The following INPP5D variants were observed in gnomAD, a reference collection of about 807,000 sequenced individuals.
INPP5D encodes the protein phosphatidylinositol 3,4,5-trisphosphate 5-phosphatase 1.
Under a neutral mutation model 122.9 loss-of-function variants are expected in INPP5D, and 33 were observed. The observed-to-expected ratio is 0.27, with a 90% CI of 0.20 to 0.36. The LOEUF is 0.36. Among genes scored for constraint, INPP5D ranks in the 10% least tolerant of loss-of-function variants. The pLI is 1.00. For missense variants in INPP5D, 1,053 were observed against 1,412.7 expected (o/e 0.75, Z 4.08); for synonymous variants, 584 against 576.2 (o/e 1.01, Z -0.19).
In INPP5D at chr2:233,158,432, A is replaced by G. The variant is rs1462166260; in HGVS notation, c.1137+13A>G. On this transcript the variant is annotated intron_variant, in intron 10 of 26. Coordinates refer to ENST00000445964, the MANE Select transcript of INPP5D (RefSeq NM_001017915.3). ...TGCTGACTCCAAAGTAAGTGACAGC[A>G]AACTTCTAAAATGGGCTGTGAGGTA... 1 of 700,528 alleles carries G rather than the reference A, an allele frequency of 1.4e-6. No individual in the cohort carries two copies. The highest frequency in any genetic ancestry group is 2.7e-5 in the East Asian group (1 of 37,238). 43.4% of individuals were successfully genotyped at this position (700,528 alleles called of 1,614,324 possible).
chr2:233,204,771 A>AGTGTGTAT lies in INPP5D; in HGVS notation c.3567+57_3567+58insTGTATGTG, dbSNP rs1456684351. On this transcript the variant is annotated intron_variant, in intron 26 of 26. Transcript: ENST00000445964. ...GCATTTGTGTGTGTGTGCATGCGTG[A>AGTGTGTAT]GTGCGTATGTGTGTACCTATGCATA... 12 of 1,363,946 alleles carry AGTGTGTAT rather than the reference A, an allele frequency of 8.8e-6. No homozygotes were observed. In the East Asian group the frequency reaches 3.4e-4, roughly 38 times the overall value. 84.5% of individuals were successfully genotyped at this position (1,363,946 alleles called of 1,614,324 possible).
At chr2:233,121,128 T>C (rs1692960506) in intron 2 of INPP5D, among the ~76,000 whole-genome samples, 1 of 140,798 alleles carries the variant, frequency 7.1e-6, no homozygotes, top group East Asian at 1.9e-4. Context: ...TTTCTTTTTT[T>C]TTTTTCTTTT....
intron 2 of INPP5D, among the ~76,000 whole-genome samples, chr2:233,109,958 C>T (rs984924986): frequency 6.6e-6 from 1 of 151,888 alleles, no homozygotes; most frequent in Non-Finnish European, 1.5e-5. Context: ...AATCTTGGTT[C>T]ACTGCAGTCT....
At chr2:233,097,816 A>T (rs562957757) in intron 2 of INPP5D, among the ~76,000 whole-genome samples, 1 of 151,392 alleles carries the variant, frequency 6.6e-6, no homozygotes, top group Non-Finnish European at 1.5e-5. Flanking sequence ...AGTTGTTCTG[A>T]TCTGTTTTGT....
At chr2:233,132,039 A>G (rs748581200) in intron 5 of INPP5D, among the ~76,000 whole-genome samples, 32 of 152,230 alleles carry the variant, frequency 2.1e-4, no homozygotes, top group Admixed American at 3.9e-4. Flanking sequence ...TTGGCTTTCA[A>G]CTAATGCAGC....
At chr2:233,121,509 C>CTTTTATTTTATTATATTTTA (rs1692977960) in intron 2 of INPP5D, among the ~76,000 whole-genome samples, 1 of 147,248 alleles carries the variant, frequency 6.8e-6, no homozygotes, top group Non-Finnish European at 1.5e-5. Flanking sequence ...TATAAAAATA[C>CTTTTATTTTATTATATTTTA]TTTTATTTTA....
intron 3 of INPP5D, among the ~76,000 whole-genome samples, chr2:233,124,838 C>G (rs530905383): frequency 1.3e-5 from 2 of 152,254 alleles, no homozygotes; most frequent in Non-Finnish European, 2.9e-5. Flanking sequence ...GCCCAGTTGT[C>G]GGCTCGAACC....
At chr2:233,073,976 C>T (rs1188870969) in intron 1 of INPP5D, among the ~76,000 whole-genome samples, 1 of 152,182 alleles carries the variant, frequency 6.6e-6, no homozygotes. Flanking sequence ...CCTGAGTTCA[C>T]AAATCAGACT....
intron 1 of INPP5D, among the ~76,000 whole-genome samples, chr2:233,077,254 T>C (rs1028509081): frequency 6.6e-6 from 1 of 152,214 alleles, no homozygotes; most frequent in African/African-American, 2.4e-5. Context: ...CAAACAGGAA[T>C]AGGAAATCTA....
At chr2:233,110,929 A>G (rs1245569158) in intron 2 of INPP5D, among the ~76,000 whole-genome samples, 1 of 134,760 alleles carries the variant, frequency 7.4e-6, no homozygotes, top group Non-Finnish European at 1.5e-5. Flanking sequence ...CGTCTCTTAA[A>G]AAAAAAACAA....
At chr2:233,096,128 T>G (rs1574721732) in intron 2 of INPP5D, among the ~76,000 whole-genome samples, 1 of 152,188 alleles carries the variant, frequency 6.6e-6, no homozygotes, top group East Asian at 1.9e-4. Flanking sequence ...GCATACAAGC[T>G]TTCTCCAAGA....
rs138686293 is a variant in INPP5D, at chr2:233,134,666, G to A, written c.665+4018G>A. Among the ~76,000 whole-genome samples the A allele has an allele frequency of 2.6e-5, 4 of 152,226 alleles. No individual in the cohort carries two copies. The South Asian group carries it at 6.2e-4, about 24-fold the overall frequency. ...AACTTTTCCAGAGAGAGAGAATAAG[G>A]AACCAGAGACTGGAAATATTTGGTA... On this transcript the variant is annotated intron_variant, in intron 5 of 26. Coordinates refer to ENST00000445964, the MANE Select transcript of INPP5D (RefSeq NM_001017915.3).
chr2:233,061,350 A>G (rs1691069170), intron 1 of INPP5D, among the ~76,000 whole-genome samples: 1 of 151,524 alleles, frequency 6.6e-6, no homozygotes, highest in Admixed American at 6.6e-5. Flanking sequence ...TTCCTTTCTA[A>G]AACCCCCTTC....
At chr2:233,180,955 T>C (rs1432917684) in intron 18 of INPP5D, among the ~76,000 whole-genome samples, 1 of 152,280 alleles carries the variant, frequency 6.6e-6, no homozygotes, top group African/African-American at 2.4e-5. Context: ...ATTACAGGCA[T>C]GAGCCACCGT....
chr2:233,154,348 C>T lies in INPP5D; in HGVS notation c.1031-3965C>T, dbSNP rs185743767. On this transcript the variant is annotated intron_variant, in intron 9 of 26. Transcript: ENST00000445964. ...ATTTTTAGTAGAAATGAGGTTTCAC[C>T]ATGCTGGCCAGGCTGGTCTCAAACT... is the stretch of plus-strand genomic sequence containing the variant. Among the ~76,000 whole-genome samples, 514 of 152,260 alleles carry T rather than the reference C, an allele frequency of 3.4e-3. 1 individual carries two copies. The highest frequency in any genetic ancestry group is 5.9e-3 in the Non-Finnish European group (399 of 68,010).
chr2:233,146,049 T>C (rs1377874563), intron 6 of INPP5D, 113 bp from the exon 7 acceptor site: 1 of 703,262 alleles, frequency 1.4e-6, no homozygotes, highest in East Asian at 2.7e-5. Context: ...ATAGAACTTG[T>C]GGGGCTGCGG....
chr2:233,101,620 A>C (rs1692313444), intron 2 of INPP5D, among the ~76,000 whole-genome samples: 1 of 144,612 alleles, frequency 6.9e-6, no homozygotes, highest in African/African-American at 2.5e-5. Context: ...TATAATATAT[A>C]ATTATATATT....
chr2:233,134,635 G>A (rs1385310247), intron 5 of INPP5D, among the ~76,000 whole-genome samples: 1 of 152,188 alleles, frequency 6.6e-6, no homozygotes, highest in Non-Finnish European at 1.5e-5. Flanking sequence ...CCTAGAGCCA[G>A]ACAGAAACTT....
chr2:233,146,417 T>C lies in INPP5D; in HGVS notation c.885T>C (p.Leu295=), dbSNP rs1282726462. The C allele has an allele frequency of 1.4e-6, 1 of 704,240 alleles. No homozygotes were observed. The highest frequency in any genetic ancestry group is 2.6e-6 in the Non-Finnish European group (1 of 384,992). The allele number at this position is 704,240 out of a possible 1,614,324, so 43.6% of individuals were successfully genotyped here. Reference sequence around the variant, plus strand: ...CTGAGTCTCCGCACCGGCCCTCCCTTATCCCTCCAGTCACCTTTGAGGTAA... The same window carrying C: ...CTGAGTCTCCGCACCGGCCCTCCCTCATCCCTCCAGTCACCTTTGAGGTAA... The part of the protein sequence containing the change: ...EGPESPHRPS[L]IPPVTFEVKA... The change falls in exon 8 of 27, where the codon CTT becomes CTC. Residue 295 remains leucine, a synonymous_variant. Coordinates refer to ENST00000445964, the MANE Select transcript of INPP5D (RefSeq NM_001017915.3).
Sources: allele counts gnomAD v4.1 joint callset (sites outside exome capture counted in the v4.1 genomes callset), GRCh38; gene constraint gnomAD v4.1.1; transcripts MANE v1.5; gene names NCBI Gene and HGNC (gene_info 2026-07-23, HGNC 2026-07-21).